The following AAK1 variants were observed in gnomAD, a reference collection of about 807,000 sequenced individuals.
AAK1 encodes AP2 associated kinase 1.
In AAK1, 37 loss-of-function variants were observed where a neutral mutation model predicts 116.0. That is an observed-to-expected ratio of 0.32 (90% CI 0.25 to 0.42). The LOEUF (loss-of-function observed/expected upper bound fraction) is 0.42. Among genes scored for constraint, AAK1 ranks in the 10% least tolerant of loss-of-function variants. The probability of loss-of-function intolerance (pLI) is 1.00; values close to 1 mark genes in which losing one functional copy is unlikely to be tolerated. For missense variants in AAK1, 919 were observed against 1,170.6 expected, an observed-to-expected ratio of 0.79 and a Z score of 3.14; for synonymous variants, 458 against 439.9, an observed-to-expected ratio of 1.04 and a Z score of -0.51.
chr2:69,629,191 C>T (rs1193734700), intron 2 of AAK1, among the ~76,000 whole-genome samples: 1 of 152,200 alleles, frequency 6.6e-6, no homozygotes, highest in East Asian at 1.9e-4. Flanking sequence ...TATTCCCTTC[C>T]TATTTGTGAC....
At chr2:69,494,727 C>T (rs1197970315) in intron 17 of AAK1, among the ~76,000 whole-genome samples, 1 of 152,170 alleles carries the variant, frequency 6.6e-6, no homozygotes, top group Non-Finnish European at 1.5e-5. Flanking sequence ...CTATTTCATT[C>T]CTTTCTTCCC....
At chr2:69,616,311 T>G (rs1014108607) in intron 2 of AAK1, among the ~76,000 whole-genome samples, 1 of 152,202 alleles carries the variant, frequency 6.6e-6, no homozygotes, top group Non-Finnish European at 1.5e-5. Context: ...ACATTGTTAA[T>G]GTACTAAATG....
At chr2:69,610,165 C>CT (rs1319494730) in intron 2 of AAK1, among the ~76,000 whole-genome samples, 2 of 151,580 alleles carry the variant, frequency 1.3e-5, no homozygotes, top group Non-Finnish European at 2.9e-5. Flanking sequence ...GATATAGAGA[C>CT]TAATAGAATA....
At chr2:69,631,356 A>G (rs1675165851) in intron 2 of AAK1, among the ~76,000 whole-genome samples, 1 of 152,268 alleles carries the variant, frequency 6.6e-6, no homozygotes, top group Non-Finnish European at 1.5e-5. Flanking sequence ...CCTAGATGAC[A>G]GGCATCATTA....
At chr2:69,546,375 T>A (rs1442524991) in intron 3 of AAK1, among the ~76,000 whole-genome samples, 1 of 152,184 alleles carries the variant, frequency 6.6e-6, no homozygotes, top group Non-Finnish European at 1.5e-5. Flanking sequence ...ATTTTGGGAC[T>A]CACATTTTAG....
chr2:69,597,829 G>A (rs539717101), intron 2 of AAK1: 13 of 165,734 alleles, frequency 7.8e-5, no homozygotes, highest in Admixed American at 1.3e-4. Flanking sequence ...CCATGATCAT[G>A]CCACACTGTA....
intron 12 of AAK1, among the ~76,000 whole-genome samples, chr2:69,515,753 T>C (rs1364931026): frequency 2.0e-5 from 3 of 152,214 alleles, no homozygotes; most frequent in South Asian, 2.1e-4. Flanking sequence ...ACATCCCGTA[T>C]ACTTTACGTA....
At chr2:69,479,548 T>C (rs1011527063) in intron 19 of AAK1, among the ~76,000 whole-genome samples, 7 of 152,166 alleles carry the variant, frequency 4.6e-5, no homozygotes, top group African/African-American at 1.2e-4. Flanking sequence ...TAAACACTCA[T>C]AGAAGGAAGT....
intron 16 of AAK1, among the ~76,000 whole-genome samples, chr2:69,497,435 G>A (rs1478977206): frequency 1.3e-5 from 2 of 150,268 alleles, no homozygotes; most frequent in Non-Finnish European, 2.9e-5. Flanking sequence ...CCGAGTAGCT[G>A]GGATTACAGG....
In AAK1 at chr2:69,468,495, A is replaced by G; in HGVS notation, c.*7374T>C. On this transcript the variant is annotated 3_prime_UTR_variant, in exon 22 of 22. Transcript: ENST00000409085. The stretch of plus-strand genomic sequence containing the variant: ...TTCTCATCTTCCAAAACTACCTTGA[A>G]AGTTGATGTTATTAAGCTTGTTCTG... 1 of 985,456 alleles carries G rather than the reference A, an allele frequency of 1.0e-6. No homozygotes were observed. The highest frequency in any genetic ancestry group is 1.2e-6 in the Non-Finnish European group (1 of 829,932). 61.0% of individuals were successfully genotyped at this position (985,456 alleles called of 1,614,324 possible). A position where few individuals can be genotyped will look rare whatever the true frequency, so the allele number is the denominator to read the frequency against.
At chr2:69,622,645 A>C (rs915677556) in intron 2 of AAK1, among the ~76,000 whole-genome samples, 1 of 152,102 alleles carries the variant, frequency 6.6e-6, no homozygotes, top group Non-Finnish European at 1.5e-5. Context: ...GAATGCATCA[A>C]TGGCACTCTG....
At chr2:69,550,574 T>C (rs1572947930) in intron 3 of AAK1, among the ~76,000 whole-genome samples, 1 of 152,040 alleles carries the variant, frequency 6.6e-6, no homozygotes, top group Non-Finnish European at 1.5e-5. Flanking sequence ...AGTATAGACG[T>C]GAGCCACTGC....
At chr2:69,566,978 A>C (rs898489274) in intron 2 of AAK1, among the ~76,000 whole-genome samples, 3 of 152,178 alleles carry the variant, frequency 2.0e-5, no homozygotes, top group Non-Finnish European at 4.4e-5. Context: ...ATATCATTTG[A>C]AACTTCGCAA....
At position 69,496,085 on chromosome 2, in the gene AAK1, A is replaced by G. The variant is rs202016020; in HGVS notation, c.2270-5T>C. ...GCCCACCCTTCCTTTTTTCAGCTGGAGTTAGGTTGGAGGGGAAGGAGGAGT... is the reference window on the plus strand; with the variant it reads ...GCCCACCCTTCCTTTTTTCAGCTGGGGTTAGGTTGGAGGGGAAGGAGGAGT... On this transcript the variant is annotated splice_polypyrimidine_tract_variant and splice_region_variant and intron_variant, in intron 16 of 21. Transcript: ENST00000409085. 2 of 1,552,178 alleles carry G rather than the reference A, an allele frequency of 1.3e-6. No individual in the cohort carries two copies. The highest frequency in any genetic ancestry group is 2.4e-5 in the South Asian group (2 of 84,008).
Position 69,509,215 on chromosome 2 carries a change from A to T in AAK1, c.2006+16T>A. ...GCCCACAGAGGTAAGAACAACAAAG[A>T]GGAAGCACCACATACTTGGACTTAT... On this transcript the variant is annotated intron_variant, in intron 14 of 21. Transcript: ENST00000409085. 1 of 1,611,758 alleles carries T rather than the reference A, an allele frequency of 6.2e-7. No individual in the cohort carries two copies. The highest frequency in any genetic ancestry group is 8.5e-7 in the Non-Finnish European group (1 of 1,177,860).
chr2:69,580,490 G>A (rs565063213), intron 2 of AAK1, among the ~76,000 whole-genome samples: 2 of 152,286 alleles, frequency 1.3e-5, no homozygotes, highest in South Asian at 4.2e-4. Context: ...ATTAAACAGA[G>A]AAAGTCTATC....
chr2:69,611,527 C>T (rs919741310), intron 2 of AAK1, among the ~76,000 whole-genome samples: 2 of 152,224 alleles, frequency 1.3e-5, no homozygotes, highest in Non-Finnish European at 2.9e-5. Context: ...TCTCCCCGAG[C>T]TTGCAGATGG....
At chr2:69,535,013 G>A (rs946427783) in intron 5 of AAK1, among the ~76,000 whole-genome samples, 5 of 152,178 alleles carry the variant, frequency 3.3e-5, no homozygotes, top group Admixed American at 1.3e-4. Context: ...CTGTACACAC[G>A]CCAGGGACCC....
intron 5 of AAK1, among the ~76,000 whole-genome samples, chr2:69,534,133 T>A (rs1369046027): frequency 6.6e-6 from 1 of 152,212 alleles, no homozygotes; most frequent in Non-Finnish European, 1.5e-5. Context: ...TTTACATGGA[T>A]TATCCCACTA....
Sources: gnomAD v4.1 joint callset for allele counts (sites outside exome capture counted in the v4.1 genomes callset) on GRCh38, gnomAD v4.1.1 for gene constraint, MANE v1.5 for transcripts, NCBI Gene and HGNC (gene_info 2026-07-23, HGNC 2026-07-21) for gene names.